GOT1: variants seen among roughly 807,000 people sequenced by gnomAD.
GOT1 encodes aspartate aminotransferase, cytoplasmic.
GOT1 carries 25 observed loss-of-function variants against 48.2 expected under a neutral mutation model. The observed-to-expected ratio is 0.52, with a 90% CI of 0.38 to 0.72. The LOEUF is 0.72. GOT1 is among the 30% of genes least tolerant of loss of function. GOT1 has a pLI of 0.00. For missense variants in GOT1, 380 were observed against 520.1 expected (o/e 0.73, Z 2.62); for synonymous variants, 188 against 193.8 (o/e 0.97, Z 0.25).
At chr10:99,398,342 C>A (rs527399593) in intron 8 of GOT1, among the ~76,000 whole-genome samples, 80 of 152,320 alleles carry the variant, frequency 5.3e-4, no homozygotes, top group African/African-American at 1.6e-3. Flanking sequence ...GTCTCTAAAG[C>A]AGTTTTGCTA....
intron 2 of GOT1, among the ~76,000 whole-genome samples, chr10:99,415,313 C>T (rs1474498372): frequency 6.6e-6 from 1 of 152,176 alleles, no homozygotes. Context: ...ACTATAAACA[C>T]CTCTATGGAA....
At chr10:99,407,933 G>T (rs1299750619) in intron 2 of GOT1, among the ~76,000 whole-genome samples, 1 of 151,982 alleles carries the variant, frequency 6.6e-6, no homozygotes, top group Non-Finnish European at 1.5e-5. Context: ...CATGCATTAG[G>T]TATTTGTCCT....
chr10:99,416,650 G>T (rs570987199), intron 2 of GOT1, among the ~76,000 whole-genome samples: 1 of 150,266 alleles, frequency 6.7e-6, no homozygotes, highest in Admixed American at 6.6e-5. Flanking sequence ...TCCTAAGCTG[G>T]AGGCATCATG....
At chr10:99,430,124 T>C in intron 1 of GOT1, 1 of 525,700 alleles carries the variant, frequency 1.9e-6, no homozygotes, top group South Asian at 1.6e-5. Flanking sequence ...TCTACCTCTC[T>C]CTACAAGCTC....
chr10:99,421,384 C>G (rs945779241), intron 1 of GOT1, among the ~76,000 whole-genome samples: 2 of 152,174 alleles, frequency 1.3e-5, no homozygotes, highest in African/African-American at 4.8e-5. Context: ...CTGACGATTT[C>G]AATGACAGGT....
intron 7 of GOT1, 27 bp from the exon 8 acceptor site, chr10:99,402,749 C>T: frequency 6.2e-7 from 1 of 1,602,378 alleles, no homozygotes; most frequent in Non-Finnish European, 8.6e-7. Context: ...GACGTAAATA[C>T]CAATCCAGAC....
intron 2 of GOT1, among the ~76,000 whole-genome samples, chr10:99,408,140 A>T (rs2032784810): frequency 6.6e-6 from 1 of 152,168 alleles, no homozygotes; most frequent in Non-Finnish European, 1.5e-5. Flanking sequence ...CTCTAAAGTC[A>T]AGTCTATATC....
chr10:99,410,486 T>C (rs1010605469), intron 2 of GOT1, among the ~76,000 whole-genome samples: 3 of 152,216 alleles, frequency 2.0e-5, no homozygotes, highest in Non-Finnish European at 2.9e-5. Flanking sequence ...AATTCATTTT[T>C]TTAAAAATCA....
In GOT1 at chr10:99,403,633, A is replaced by T; in HGVS notation, c.795T>A (p.Asn265Lys). The change falls in exon 7 of 9, where the codon AAT (asparagine) becomes AAA (lysine). Residue 265 changes from asparagine (N) to lysine (K), a missense_variant and splice_region_variant. Coordinates refer to ENST00000370508, the MANE Select transcript of GOT1 (RefSeq NM_002079.3). ...QSFSKNFGLYNERVGNLTVVG... is the reference protein window; with the variant it reads ...QSFSKNFGLYKERVGNLTVVG... ...CCACAGTCAGATTCCCGACTCTCTC[A>T]TCTAAAGAGAGGGACCAGAATCAGC... 1 of 1,613,664 alleles carries T rather than the reference A, an allele frequency of 6.2e-7. No individual in the cohort carries two copies. Among genetic ancestry groups the T allele is most frequent in the South Asian group, 1.1e-5 (1 of 91,076 alleles).
At chr10:99,417,902 G>C (rs2032916996) in intron 2 of GOT1, among the ~76,000 whole-genome samples, 1 of 152,076 alleles carries the variant, frequency 6.6e-6, no homozygotes. Context: ...GTCCTGTTGT[G>C]GGGTGCGGAG....
At chr10:99,406,087 G>A (rs1462946957) in intron 4 of GOT1, 50 bp downstream of exon 4, 1 of 1,264,416 alleles carries the variant, frequency 7.9e-7, no homozygotes, top group South Asian at 1.2e-5. Flanking sequence ...GACTTTGCCT[G>A]AGATTCCTGA....
chr10:99,430,189 G>T, intron 1 of GOT1: 1 of 946,204 alleles, frequency 1.1e-6, no homozygotes, highest in Non-Finnish European at 1.6e-6. Context: ...ATGGGGAATC[G>T]GAAAGACTGA....
Position 99,402,639 on chromosome 10 carries a change from G to C in GOT1, c.1043C>G (p.Pro348Arg). 1 of 1,614,154 alleles carries C rather than the reference G, an allele frequency of 6.2e-7. No individual in the cohort carries two copies. The highest frequency in any genetic ancestry group is 8.5e-7 in the Non-Finnish European group (1 of 1,179,976). ...LRARLEALKT[P>R]GTWNHITDQI... The stretch of plus-strand genomic sequence containing the variant: ...ATCAGTGATGTGGTTCCAGGTCCCA[G>C]GGGTTTTGAGGGCTTCTAGTCGTGC... The change falls in exon 8 of 9, where the codon CCT (proline) becomes CGT (arginine). Residue 348 changes from proline (P) to arginine (R), a missense_variant. Physicochemically the swap from Pro to Arg is moderately radical, Grantham distance 103. Transcript: ENST00000370508.
At chr10:99,418,310 A>G (rs921836210) in intron 2 of GOT1, among the ~76,000 whole-genome samples, 7 of 151,992 alleles carry the variant, frequency 4.6e-5, no homozygotes, top group Non-Finnish European at 4.4e-5. Flanking sequence ...TAAGTCATCA[A>G]ATGGAGATCA....
chr10:99,427,242 G>A (rs2033050304), intron 1 of GOT1, among the ~76,000 whole-genome samples: 1 of 151,958 alleles, frequency 6.6e-6, no homozygotes, highest in East Asian at 1.9e-4. Flanking sequence ...TTGACTTTTA[G>A]TACAGTAGAA....
intron 8 of GOT1, among the ~76,000 whole-genome samples, chr10:99,399,009 G>T (rs2134094439): frequency 6.6e-6 from 1 of 152,258 alleles, no homozygotes; most frequent in Non-Finnish European, 1.5e-5. Context: ...TCTGGACCCT[G>T]GACTCAGTGC....
chr10:99,421,107 G>A (rs938592450), intron 1 of GOT1, among the ~76,000 whole-genome samples: 1 of 152,188 alleles, frequency 6.6e-6, no homozygotes, highest in Non-Finnish European at 1.5e-5. Flanking sequence ...CTGGTCACAT[G>A]AGAAAGTACA....
At chr10:99,422,500 G>A (rs950291376) in intron 1 of GOT1, among the ~76,000 whole-genome samples, 2 of 152,054 alleles carry the variant, frequency 1.3e-5, no homozygotes, top group Non-Finnish European at 1.5e-5. Flanking sequence ...GGATCAAACT[G>A]TACATAGAAT....
In GOT1 at chr10:99,397,681, G is replaced by C. The variant is rs76850691; in HGVS notation, c.1108C>G (p.Gln370Glu). The change falls in exon 9 of 9, where the codon CAG becomes GAG. Residue 370 changes from glutamine to glutamate, a missense_variant. Transcript: ENST00000370508. This position sits in a 1 kb window ranked among gnomAD's most constrained non-coding sequence, Gnocchi z 5.4. ...TTTTCATTGACCAGATACTCAACCT[G>C]CTTGGCTGTTGAAAACCAAAAGAAG... ...MFSFTGLNPKQVEYLVNEKHI... is the reference protein window; with the variant it reads ...MFSFTGLNPKEVEYLVNEKHI... The C allele has an allele frequency of 1.3e-3, 2,035 of 1,614,018 alleles. 24 individuals carry two copies. The Admixed American group carries it at 0.022, about 17-fold the overall frequency.
Sources: allele counts gnomAD v4.1 joint callset (sites outside exome capture counted in the v4.1 genomes callset), GRCh38; gene constraint gnomAD v4.1.1; non-coding constraint Gnocchi (gnomAD v3.1); transcripts MANE v1.5; gene names NCBI Gene and HGNC (gene_info 2026-07-23, HGNC 2026-07-21).